PCDHGA9: variants seen among roughly 807,000 people sequenced by gnomAD.
PCDHGA9 encodes the protein protocadherin gamma-A9.
A neutral mutation model predicts 62.5 loss-of-function variants in PCDHGA9; 37 were observed. That is an observed-to-expected ratio of 0.59 (90% CI 0.46 to 0.78). The LOEUF (loss-of-function observed/expected upper bound fraction) is 0.78. Among genes scored for constraint, PCDHGA9 ranks in the 30% least tolerant of loss-of-function variants. The pLI is 0.00. For missense variants in PCDHGA9, 1,138 were observed against 1,166.2 expected (o/e 0.98, Z 0.35); for synonymous variants, 459 against 484.6 (o/e 0.95, Z 0.69).
intron 1 of PCDHGA9, among the ~76,000 whole-genome samples, chr5:141,407,310 T>C (rs1468156890): frequency 6.6e-6 from 1 of 152,224 alleles, no homozygotes; most frequent in Non-Finnish European, 1.5e-5. Context: ...GTAGCCTTCA[T>C]ACTTAGTATT....
At chr5:141,407,453 C>G (rs914537742) in intron 1 of PCDHGA9, among the ~76,000 whole-genome samples, 18 of 148,834 alleles carry the variant, frequency 1.2e-4, no homozygotes, top group African/African-American at 4.4e-4. Flanking sequence ...ACACGAGGCT[C>G]ACCAGACAGA....
rs753544983 is a variant in PCDHGA9 at position 141,404,945 on chromosome 5, G to A, written c.1993G>A (p.Ala665Thr). The change falls in exon 1 of 4, where the codon GCT (alanine) becomes ACT (threonine). Residue 665 changes from alanine to threonine, a missense_variant. Coordinates refer to ENST00000573521, the MANE Select transcript of PCDHGA9 (RefSeq NM_018921.3). ...CACTGTCACGCTCACAGTAGCCATA[G>A]CTGACAGCATCCCAGACATCCTGGC... ...SATVTLTVAIADSIPDILADL... is the reference protein window; with the variant it reads ...SATVTLTVAITDSIPDILADL... The A allele has an allele frequency of 3.7e-6, 6 of 1,613,952 alleles. No homozygotes were observed. Among genetic ancestry groups the A allele is most frequent in the Non-Finnish European group, 5.1e-6 (6 of 1,179,892 alleles).
intron 1 of PCDHGA9, among the ~76,000 whole-genome samples, chr5:141,484,021 G>A (rs892390865): frequency 2.6e-5 from 4 of 151,080 alleles, no homozygotes; most frequent in African/African-American, 9.7e-5. Context: ...GGGGTGGGGT[G>A]AGATCAAGTC....
In PCDHGA9 at chr5:141,432,296, G is replaced by A. The variant is rs895669878; in HGVS notation, c.2424+26920G>A. The A allele has an allele frequency of 2.5e-6, 4 of 1,614,106 alleles. No homozygotes were observed. The highest frequency in any genetic ancestry group is 1.1e-5 in the South Asian group (1 of 91,082). The stretch of plus-strand genomic sequence containing the variant: ...CGTGTCCATCAACTCCGACACTGGG[G>A]TACTGTATGCGCTGAGCTCCTTCGA... On this transcript the variant is annotated intron_variant, in intron 1 of 3. Transcript: ENST00000573521. The surrounding 1 kb of genome is among the most constrained non-coding windows in gnomAD (Gnocchi z 6.0).
chr5:141,503,401 C>A (rs987421198), intron 2 of PCDHGA9, among the ~76,000 whole-genome samples: 15 of 151,848 alleles, frequency 9.9e-5, no homozygotes, highest in Non-Finnish European at 1.9e-4. Context: ...TCGAAACCAA[C>A]CTGGCCAATA....
intron 1 of PCDHGA9, among the ~76,000 whole-genome samples, chr5:141,483,340 C>T (rs906468552): frequency 5.9e-5 from 9 of 152,036 alleles, no homozygotes; most frequent in Non-Finnish European, 1.2e-4. Flanking sequence ...GATCTTATCT[C>T]TTTGCAATAG....
chr5:141,456,703 G>A (rs528071544), intron 1 of PCDHGA9, among the ~76,000 whole-genome samples: 37 of 152,180 alleles, frequency 2.4e-4, no homozygotes, highest in Non-Finnish European at 4.9e-4. Context: ...GGTGGCTCGC[G>A]CCTGTAATCC....
rs1317699369 is a variant in PCDHGA9 at position 141,477,408 on chromosome 5, A to G, written c.2425-17399A>G. The G allele has an allele frequency of 6.2e-7, 1 of 1,614,098 alleles. No homozygotes were observed. ...TACAACCTCAGCATCACCGCCCGAG[A>G]CGCCGGAACCCCTTCCCTCTCAGCC... On this transcript the variant is annotated intron_variant, in intron 1 of 3. Transcript: ENST00000573521. This position sits in a 1 kb window ranked among gnomAD's most constrained non-coding sequence, Gnocchi z 4.9.
chr5:141,490,051 G>T lies in PCDHGA9; in HGVS notation c.2425-4756G>T, dbSNP rs779280988. On this transcript the variant is annotated intron_variant, in intron 1 of 3. Coordinates refer to ENST00000573521, the MANE Select transcript of PCDHGA9 (RefSeq NM_018921.3). The surrounding 1 kb of genome is among the most constrained non-coding windows in gnomAD (Gnocchi z 5.4). ...CCGCCTCAATGCCACTGATCCAGACGAGGGCACCAACGGCCAACTAGACTA... is the reference window on the plus strand; with the variant it reads ...CCGCCTCAATGCCACTGATCCAGACTAGGGCACCAACGGCCAACTAGACTA... 3 of 1,614,214 alleles carry T rather than the reference G, an allele frequency of 1.9e-6. No homozygotes were observed. The Middle Eastern group carries it at 4.9e-4, about 266-fold the overall frequency.
At position 141,487,339 on chromosome 5, in the gene PCDHGA9, A is replaced by T; in HGVS notation, c.2425-7468A>T. On this transcript the variant is annotated intron_variant, in intron 1 of 3. Coordinates refer to ENST00000573521, the MANE Select transcript of PCDHGA9 (RefSeq NM_018921.3). The surrounding 1 kb of genome is among the most constrained non-coding windows in gnomAD (Gnocchi z 5.0). ...AGTGTCTTCGTGGGGCAGCCTGTGG[A>T]GTCACATGCTTTCCTGCTGGCACCT... The T allele has an allele frequency of 1.9e-6, 3 of 1,614,096 alleles. No individual in the cohort carries two copies. Among genetic ancestry groups the T allele is most frequent in the Non-Finnish European group, 2.5e-6 (3 of 1,180,000 alleles).
Position 141,477,920 on chromosome 5 carries a change from C to A in PCDHGA9, c.2425-16887C>A, listed in dbSNP as rs755219711. ...GGTAGGCTGGGACGCGGATGCAGGGCACAATGCCTGGCTCTCCTACAGTCT... is the reference window on the plus strand; with the variant it reads ...GGTAGGCTGGGACGCGGATGCAGGGAACAATGCCTGGCTCTCCTACAGTCT... On this transcript the variant is annotated intron_variant, in intron 1 of 3. Transcript: ENST00000573521. The surrounding 1 kb of genome is among the most constrained non-coding windows in gnomAD (Gnocchi z 4.9). The A allele has an allele frequency of 6.2e-7, 1 of 1,614,180 alleles. No individual in the cohort carries two copies. The highest frequency in any genetic ancestry group is 8.5e-7 in the Non-Finnish European group (1 of 1,180,038).
intron 1 of PCDHGA9, among the ~76,000 whole-genome samples, chr5:141,467,955 G>A (rs1049980375): frequency 2.0e-5 from 3 of 151,666 alleles, no homozygotes; most frequent in Non-Finnish European, 2.9e-5. Context: ...CACCACACCC[G>A]GCTGCCAGAA....
chr5:141,501,971 G>A (rs2099812098), intron 2 of PCDHGA9, among the ~76,000 whole-genome samples: 1 of 151,956 alleles, frequency 6.6e-6, no homozygotes. Context: ...CCTAACCTCT[G>A]GCATCTGGTC....
intron 1 of PCDHGA9, 110 bp from the exon 2 acceptor site, chr5:141,494,697 T>C: frequency 6.3e-7 from 1 of 1,590,934 alleles, no homozygotes; most frequent in Non-Finnish European, 8.6e-7. Flanking sequence ...TAGTCCGTTT[T>C]CTTCTCTGTG....
chr5:141,481,352 C>T (rs1007066307), intron 1 of PCDHGA9, among the ~76,000 whole-genome samples: 3 of 152,222 alleles, frequency 2.0e-5, no homozygotes, highest in East Asian at 1.9e-4. Flanking sequence ...TAAACATCTA[C>T]AGCTGTTCAA....
intron 1 of PCDHGA9, among the ~76,000 whole-genome samples, chr5:141,452,868 C>T (rs1339532803): frequency 6.6e-6 from 1 of 152,170 alleles, no homozygotes; most frequent in Non-Finnish European, 1.5e-5. Flanking sequence ...TTTTCTAACT[C>T]CATTTGTAAT....
intron 1 of PCDHGA9, chr5:141,410,044 C>G: frequency 6.2e-7 from 1 of 1,613,184 alleles, no homozygotes; most frequent in Non-Finnish European, 8.5e-7. Flanking sequence ...CCAGTGAGCC[C>G]GGACTCTTCA....
In PCDHGA9 at chr5:141,405,353, AT is replaced by A; in HGVS notation, c.2402del (p.Ile801LysfsTer51). On this transcript the variant is annotated frameshift_variant, in exon 1 of 4. Coordinates refer to ENST00000573521, the MANE Select transcript of PCDHGA9 (RefSeq NM_018921.3). LOFTEE classifies it high-confidence loss of function. ...LCVSVDSKFP[I>X]EDTPLVPQAP... Reference sequence around the variant, plus strand: ...CGTCTCTGTTGATTCCAAGTTTCCTATAGAAGACACCCCTTTGGTTCCGGTG... The same window carrying A: ...CGTCTCTGTTGATTCCAAGTTTCCTAAGAAGACACCCCTTTGGTTCCGGTG... 1.9e-6 allele frequency: 3 copies of A among 1,614,026 alleles called. No individual in the cohort carries two copies. Among genetic ancestry groups the A allele is most frequent in the Non-Finnish European group, 2.5e-6 (3 of 1,179,930 alleles).
At chr5:141,409,964 G>A (rs1042730924) in intron 1 of PCDHGA9, 5 of 1,613,300 alleles carry the variant, frequency 3.1e-6, no homozygotes, top group East Asian at 2.2e-5. Flanking sequence ...CGGCTACCTA[G>A]TGACTAAGGT....
Sources: allele counts gnomAD v4.1 joint callset (sites outside exome capture counted in the v4.1 genomes callset), GRCh38; gene constraint gnomAD v4.1.1; non-coding constraint Gnocchi (gnomAD v3.1); transcripts MANE v1.5; gene names NCBI Gene and HGNC (gene_info 2026-07-23, HGNC 2026-07-21).